YEATS4: variants seen among roughly 807,000 people sequenced by gnomAD.
YEATS4 encodes YEATS domain containing 4.
YEATS4 carries 17 observed loss-of-function variants against 30.1 expected under a neutral mutation model. The observed-to-expected ratio is 0.56, with a 90% CI of 0.39 to 0.85. The LOEUF is 0.85. Ranked by LOEUF, YEATS4 falls within the 40% of genes least tolerant of loss-of-function variation. YEATS4 has a pLI of 0.00. For synonymous variants in YEATS4, 85 were observed against 87.5 expected, an observed-to-expected ratio of 0.97 and a Z score of 0.16; for missense variants, 142 against 268.3, an observed-to-expected ratio of 0.53 and a Z score of 3.29.
chr12:69,372,211 G>T (rs1022280332), intron 6 of YEATS4, among the ~76,000 whole-genome samples: 1 of 152,070 alleles, frequency 6.6e-6, no homozygotes, highest in African/African-American at 2.4e-5. Context: ...AATTTTGTGG[G>T]TATATTGTAG....
At chr12:69,410,130 A>G in the YEATS4 span, among the ~76,000 whole-genome samples, 1 of 152,212 alleles carries the variant, frequency 6.6e-6, no homozygotes, top group Non-Finnish European at 1.5e-5. Flanking sequence ...AAATTCACTC[A>G]CGTTAGCATA....
intron 6 of YEATS4, among the ~76,000 whole-genome samples, chr12:69,381,651 G>A (rs545038679): frequency 4.6e-5 from 7 of 152,292 alleles, no homozygotes; most frequent in East Asian, 1.9e-4. Flanking sequence ...AAAGACAGGC[G>A]TAAGAAATTA....
chr12:69,402,400 T>C, the YEATS4 span, among the ~76,000 whole-genome samples: 3 of 152,180 alleles, frequency 2.0e-5, no homozygotes, highest in African/African-American at 4.8e-5. Flanking sequence ...TAGACAAATA[T>C]ATAGTATGCT....
the YEATS4 span, among the ~76,000 whole-genome samples, chr12:69,397,781 G>A: frequency 1.3e-5 from 2 of 152,090 alleles, no homozygotes; most frequent in Non-Finnish European, 2.9e-5. Context: ...GAAGACACAG[G>A]GAGAAGACAC....
At chr12:69,389,347 G>A (rs915043560) in intron 6 of YEATS4, among the ~76,000 whole-genome samples, 2 of 151,118 alleles carry the variant, frequency 1.3e-5, no homozygotes, top group South Asian at 2.1e-4. Flanking sequence ...CTACTCAGGA[G>A]GTTGAGGCAG....
At chr12:69,410,742 G>A in the YEATS4 span, among the ~76,000 whole-genome samples, 1 of 152,160 alleles carries the variant, frequency 6.6e-6, no homozygotes, top group African/African-American at 2.4e-5. Flanking sequence ...GACTTGAACT[G>A]ACAAGCTATT....
chr12:69,395,001 A>T (rs539679838), downstream of YEATS4, among the ~76,000 whole-genome samples: 2 of 152,334 alleles, frequency 1.3e-5, no homozygotes, highest in East Asian at 3.9e-4. Context: ...ACAAAAAAAG[A>T]CAGTGATAGC....
At chr12:69,397,015 T>C in the YEATS4 span, among the ~76,000 whole-genome samples, 1 of 152,194 alleles carries the variant, frequency 6.6e-6, no homozygotes, top group Non-Finnish European at 1.5e-5. Flanking sequence ...GTAAATGACA[T>C]AGCACATGTA....
chr12:69,413,526 T>TC, the YEATS4 span, among the ~76,000 whole-genome samples: 4 of 69,506 alleles, frequency 5.8e-5, no homozygotes, highest in Non-Finnish European at 1.1e-4. Context: ...CCCATCTCCA[T>TC]CCCCCCGTCA....
chr12:69,422,454 A>G, the YEATS4 span, among the ~76,000 whole-genome samples: 4 of 151,926 alleles, frequency 2.6e-5, no homozygotes, highest in Non-Finnish European at 5.9e-5. Flanking sequence ...CAACATGGAA[A>G]AACCCTGTCC....
At chr12:69,360,738 T>G (rs537085178) in intron 1 of YEATS4, among the ~76,000 whole-genome samples, 2 of 151,370 alleles carry the variant, frequency 1.3e-5, no homozygotes, top group Admixed American at 1.3e-4. Context: ...CGATCTCGGC[T>G]CACTGCAACC....
downstream of YEATS4, among the ~76,000 whole-genome samples, chr12:69,392,136 G>T (rs1233411862): frequency 1.3e-5 from 2 of 152,144 alleles, no homozygotes; most frequent in Non-Finnish European, 2.9e-5. Flanking sequence ...AAGCATATGA[G>T]GAGATGCTCT....
intron 1 of YEATS4, among the ~76,000 whole-genome samples, chr12:69,360,323 T>G (rs932404099): frequency 1.3e-5 from 2 of 152,130 alleles, no homozygotes; most frequent in African/African-American, 4.8e-5. Flanking sequence ...CTGGGAAAGC[T>G]CAGCTTGGTG....
At chr12:69,361,262 T>G (rs1356691404) in intron 1 of YEATS4, 5 of 151,624 alleles carry the variant, frequency 3.3e-5, no homozygotes, top group Admixed American at 3.3e-4. Flanking sequence ...TGTGTGTGTG[T>G]GTGTGTGTTT....
intron 6 of YEATS4, among the ~76,000 whole-genome samples, chr12:69,376,193 C>T (rs1004006081): frequency 6.6e-6 from 1 of 152,120 alleles, no homozygotes; most frequent in African/African-American, 2.4e-5. Flanking sequence ...ATGGCGAAAC[C>T]CTTCTCTGCT....
intron 6 of YEATS4, among the ~76,000 whole-genome samples, chr12:69,372,686 C>T (rs1592851990): frequency 6.6e-6 from 1 of 151,968 alleles, no homozygotes; most frequent in African/African-American, 2.4e-5. Flanking sequence ...AGGTGTGTAC[C>T]ACCACACCTG....
In YEATS4 at chr12:69,365,816, A is replaced by G; in HGVS notation, c.265A>G (p.Thr89Ala). The G allele has an allele frequency of 6.2e-7, 1 of 1,610,844 alleles. No homozygotes were observed. Among genetic ancestry groups the G allele is most frequent in the Non-Finnish European group, 8.5e-7 (1 of 1,179,034 alleles). The change falls in exon 4 of 7, where the codon ACT becomes GCT. Residue 89 changes from threonine to alanine, a missense_variant. By Grantham distance (58) the Thr-to-Ala change is moderately conservative. Around this residue, in one of 3 missense-constraint regions of YEATS4, gnomAD observed 64 missense variants for 164.0 expected, o/e 0.39. Coordinates refer to ENST00000247843, the MANE Select transcript of YEATS4 (RefSeq NM_006530.4). ...TGTTACTAAACCTCCATATGAAATT[A>G]CTGAAACAGGATGGGGTGAATTCGA... ...RVVTKPPYEITETGWGEFEII... is the reference protein window; with the variant it reads ...RVVTKPPYEIAETGWGEFEII...
intron 6 of YEATS4, among the ~76,000 whole-genome samples, chr12:69,383,960 G>T (rs1422603680): frequency 6.6e-6 from 1 of 152,012 alleles, no homozygotes; most frequent in Admixed American, 6.6e-5. Flanking sequence ...GTAGAGGGAT[G>T]GTAATGAAGT....
In YEATS4 at chr12:69,360,066, C is replaced by T. The variant is rs568614701; in HGVS notation, c.51+43C>T. 4 of 1,602,880 alleles carry T rather than the reference C, an allele frequency of 2.5e-6. No homozygotes were observed. The East Asian group carries it at 9.0e-5, about 36-fold the overall frequency. ...CCCTCTTCCGGGGTGGCTCTCCCGC[C>T]TCGGTTCCTCCCTGCGCGGCGCGGG... On this transcript the variant is annotated intron_variant, in intron 1 of 6. Transcript: ENST00000247843.
Sources: allele counts gnomAD v4.1 joint callset (sites outside exome capture counted in the v4.1 genomes callset), GRCh38; gene constraint gnomAD v4.1.1; regional missense constraint gnomAD v4.1.1; transcripts MANE v1.5; gene names NCBI Gene and HGNC (gene_info 2026-07-23, HGNC 2026-07-21).